PTPRG: variants seen among roughly 807,000 people sequenced by gnomAD.
PTPRG encodes receptor-type tyrosine-protein phosphatase gamma.
Under a neutral mutation model 165.3 loss-of-function variants are expected in PTPRG, and 102 were observed. The observed-to-expected ratio is 0.62, with a 90% CI of 0.53 to 0.73. The LOEUF is 0.73. Ranked by LOEUF, PTPRG falls within the 30% of genes least tolerant of loss-of-function variation. The probability of loss-of-function intolerance (pLI) is 0.00; values close to 1 mark genes in which losing one functional copy is unlikely to be tolerated. For missense variants in PTPRG, 1,866 were observed against 1,861.4 expected, an observed-to-expected ratio of 1.00 and a Z score of -0.05; for synonymous variants, 675 against 669.5, an observed-to-expected ratio of 1.01 and a Z score of -0.13.
chr3:61,939,906 C>A (rs1453169567), intron 2 of PTPRG, among the ~76,000 whole-genome samples: 3 of 100,146 alleles, frequency 3.0e-5, no homozygotes, highest in African/African-American at 1.1e-4. Flanking sequence ...GGGTCCATGT[C>A]TTGGCTTCCT....
At chr3:61,881,209 A>G (rs1450741799) in intron 2 of PTPRG, among the ~76,000 whole-genome samples, 2 of 152,160 alleles carry the variant, frequency 1.3e-5, no homozygotes, top group Admixed American at 1.3e-4. Context: ...TTCTTTCCCG[A>G]TAGATTGTAA....
chr3:62,086,622 A>G (rs56987809), intron 5 of PTPRG, among the ~76,000 whole-genome samples: 76 of 152,288 alleles, frequency 5.0e-4, no homozygotes, highest in African/African-American at 1.6e-3. Flanking sequence ...TATAAGTTCA[A>G]TTCTTTCACT....
intron 8 of PTPRG, among the ~76,000 whole-genome samples, chr3:62,172,559 A>G (rs1043988038): frequency 6.0e-5 from 9 of 150,818 alleles, no homozygotes; most frequent in African/African-American, 2.2e-4. Flanking sequence ...ACATGACCAA[A>G]TGTTCCTCCT....
intron 14 of PTPRG, among the ~76,000 whole-genome samples, chr3:62,235,736 A>G (rs1701017041): frequency 2.0e-5 from 3 of 152,180 alleles, no homozygotes; most frequent in Non-Finnish European, 4.4e-5. Context: ...CATCTCTCCT[A>G]TTCATGTGAA....
At chr3:61,697,531 A>G (rs1325789073) in intron 1 of PTPRG, among the ~76,000 whole-genome samples, 1 of 152,212 alleles carries the variant, frequency 6.6e-6, no homozygotes, top group African/African-American at 2.4e-5. Flanking sequence ...ATGCCCAGAC[A>G]TGTTTTTCAT....
intron 2 of PTPRG, among the ~76,000 whole-genome samples, chr3:61,919,377 G>A (rs891202682): frequency 6.6e-6 from 1 of 152,178 alleles, no homozygotes; most frequent in Non-Finnish European, 1.5e-5. Flanking sequence ...CTGTTTATTA[G>A]CCAACAAATA....
chr3:62,031,250 G>C (rs1470574875), intron 4 of PTPRG, among the ~76,000 whole-genome samples: 2 of 152,160 alleles, frequency 1.3e-5, no homozygotes, highest in Non-Finnish European at 2.9e-5. Flanking sequence ...AAGAAAATAA[G>C]ATGAGTGGCT....
At chr3:61,690,521 G>C (rs1329932765) in intron 1 of PTPRG, among the ~76,000 whole-genome samples, 1 of 152,186 alleles carries the variant, frequency 6.6e-6, no homozygotes, top group African/African-American at 2.4e-5. Context: ...TGGAAGACAG[G>C]TTAAACAAAC....
chr3:62,174,912 C>A (rs1227677850), intron 8 of PTPRG, among the ~76,000 whole-genome samples: 2 of 152,082 alleles, frequency 1.3e-5, no homozygotes, highest in Non-Finnish European at 2.9e-5. Flanking sequence ...TTCATGCAGC[C>A]CCCATGGAGA....
At chr3:61,729,650 ATGG>A (rs1240760476) in intron 1 of PTPRG, among the ~76,000 whole-genome samples, 2 of 152,188 alleles carry the variant, frequency 1.3e-5, no homozygotes, top group South Asian at 4.1e-4. Flanking sequence ...GGGGAGTTAT[ATGG>A]TTTAACATAC....
intron 1 of PTPRG, among the ~76,000 whole-genome samples, chr3:61,608,867 C>A (rs1447865632): frequency 6.6e-6 from 1 of 152,142 alleles, no homozygotes; most frequent in African/African-American, 2.4e-5. Context: ...ACGCTGAGCC[C>A]TTGCTATTGT....
intron 2 of PTPRG, among the ~76,000 whole-genome samples, chr3:61,855,006 A>G (rs2037060958): frequency 6.6e-6 from 1 of 152,170 alleles, no homozygotes; most frequent in Non-Finnish European, 1.5e-5. Flanking sequence ...GGTATGAAGT[A>G]TTTTTGGAGA....
At chr3:62,098,847 A>G (rs1268002103) in intron 5 of PTPRG, among the ~76,000 whole-genome samples, 1 of 152,148 alleles carries the variant, frequency 6.6e-6, no homozygotes, top group Non-Finnish European at 1.5e-5. Flanking sequence ...TTGTTAACAG[A>G]TGGTAGAACT....
At chr3:61,649,074 T>C (rs1402383457) in intron 1 of PTPRG, among the ~76,000 whole-genome samples, 1 of 152,212 alleles carries the variant, frequency 6.6e-6, no homozygotes, top group African/African-American at 2.4e-5. Context: ...TGTTTTTCAT[T>C]GTTACACGAG....
chr3:61,694,250 G>A (rs1285922849), intron 1 of PTPRG, among the ~76,000 whole-genome samples: 4 of 152,132 alleles, frequency 2.6e-5, no homozygotes. Flanking sequence ...CTGGAATAAG[G>A]TAGACAGGCA....
At chr3:61,630,883 G>A (rs535748352) in intron 1 of PTPRG, among the ~76,000 whole-genome samples, 1 of 151,662 alleles carries the variant, frequency 6.6e-6, no homozygotes, top group Admixed American at 6.6e-5. Context: ...TGGTAAAATC[G>A]TGTCTCTACT....
rs1265627646 is a variant in PTPRG at position 62,240,857 on chromosome 3, C to G, written c.2376-2950C>G. ...CAGCCGACTTCATTTACCACCACAT[C>G]ATTCTTATTTTCTTCATTGCTCTTG... On this transcript the variant is annotated intron_variant, in intron 14 of 29. Coordinates refer to ENST00000474889, the MANE Select transcript of PTPRG (RefSeq NM_002841.4). This position sits in a 1 kb window ranked among gnomAD's most constrained non-coding sequence, Gnocchi z 5.1. Among the ~76,000 whole-genome samples, 1 of 152,196 alleles carries G rather than the reference C, an allele frequency of 6.6e-6. No homozygotes were observed. The highest frequency in any genetic ancestry group is 1.9e-4 in the East Asian group (1 of 5,186).
intron 8 of PTPRG, among the ~76,000 whole-genome samples, chr3:62,179,883 C>G (rs1210393250): frequency 1.3e-5 from 2 of 152,146 alleles, no homozygotes; most frequent in Non-Finnish European, 2.9e-5. Flanking sequence ...GGTTGGAACC[C>G]AAACATTGGA....
At chr3:62,260,004 A>G (rs1701645915) in intron 16 of PTPRG, among the ~76,000 whole-genome samples, 1 of 152,172 alleles carries the variant, frequency 6.6e-6, no homozygotes, top group African/African-American at 2.4e-5. Context: ...AGTCAGCACA[A>G]CGTTTGAGGA....
Sources: allele counts gnomAD v4.1 joint callset (sites outside exome capture counted in the v4.1 genomes callset), GRCh38; gene constraint gnomAD v4.1.1; non-coding constraint Gnocchi (gnomAD v3.1); transcripts MANE v1.5; gene names NCBI Gene and HGNC (gene_info 2026-07-23, HGNC 2026-07-21).